Variants in CSMD1 observed in about 807,000 individuals in gnomAD.
CSMD1 encodes CUB and sushi domain-containing protein 1.
Under a neutral mutation model 417.5 loss-of-function variants are expected in CSMD1, and 213 were observed. The observed-to-expected ratio is 0.51, with a 90% CI of 0.46 to 0.57. The LOEUF is 0.57. Among genes scored for constraint, CSMD1 ranks in the 20% least tolerant of loss-of-function variants. The pLI is 0.00. For synonymous variants in CSMD1, 2,862 were observed against 1,736.8 expected, an observed-to-expected ratio of 1.65 and a Z score of -16.11; for missense variants, 6,923 against 4,529.7, an observed-to-expected ratio of 1.53 and a Z score of -15.17.
At chr8:3,379,414 A>G (rs1810498956) in intron 18 of CSMD1, among the ~76,000 whole-genome samples, 1 of 152,194 alleles carries the variant, frequency 6.6e-6, no homozygotes, top group African/African-American at 2.4e-5. Context: ...TGTCATATGG[A>G]ACCAAAAAAG....
At chr8:3,099,089 G>A (rs1005359929) in intron 46 of CSMD1, among the ~76,000 whole-genome samples, 3 of 151,380 alleles carry the variant, frequency 2.0e-5, no homozygotes, top group Non-Finnish European at 2.9e-5. Context: ...TCTCCGTGCC[G>A]TTCACCCTTC....
intron 4 of CSMD1, among the ~76,000 whole-genome samples, chr8:4,010,131 T>C (rs1029466486): frequency 1.3e-5 from 2 of 152,214 alleles, no homozygotes; most frequent in African/African-American, 4.8e-5. Context: ...GAAACCTGAA[T>C]GTCTTCTCTG....
At chr8:4,807,907 A>G (rs954167973) in intron 1 of CSMD1, among the ~76,000 whole-genome samples, 1 of 152,146 alleles carries the variant, frequency 6.6e-6, no homozygotes, top group African/African-American at 2.4e-5. Flanking sequence ...AGGGAAGTAC[A>G]AGCTCTCTTT....
intron 5 of CSMD1, among the ~76,000 whole-genome samples, chr8:3,859,808 C>T (rs1413818955): frequency 3.9e-5 from 6 of 152,236 alleles, no homozygotes; most frequent in South Asian, 2.1e-4. Context: ...ATCCTGATTC[C>T]GCAGGGAACA....
At chr8:3,638,770 G>C (rs377693207) in intron 7 of CSMD1, among the ~76,000 whole-genome samples, 5 of 152,304 alleles carry the variant, frequency 3.3e-5, no homozygotes, top group Middle Eastern at 3.4e-3. Context: ...AACATACCAA[G>C]AGAGAAACCA....
At chr8:4,165,785 G>T (rs954021159) in intron 3 of CSMD1, among the ~76,000 whole-genome samples, 1 of 152,198 alleles carries the variant, frequency 6.6e-6, no homozygotes, top group Admixed American at 6.5e-5. Flanking sequence ...TAGCTCACGT[G>T]TTGTCACTCC....
chr8:3,531,841 G>T (rs1403723718), intron 10 of CSMD1, among the ~76,000 whole-genome samples: 1 of 152,094 alleles, frequency 6.6e-6, no homozygotes, highest in African/African-American at 2.4e-5. Context: ...AGAGAGAAAC[G>T]GCTACGTGGG....
At chr8:3,690,438 G>C (rs1172306736) in intron 7 of CSMD1, among the ~76,000 whole-genome samples, 2 of 152,194 alleles carry the variant, frequency 1.3e-5, no homozygotes, top group South Asian at 2.1e-4. Flanking sequence ...TTCTGTATGT[G>C]GGTAAACTGT....
chr8:4,033,583 T>C (rs1797468202), intron 3 of CSMD1, among the ~76,000 whole-genome samples: 1 of 152,212 alleles, frequency 6.6e-6, no homozygotes, highest in East Asian at 1.9e-4. Context: ...CTCCCTACAA[T>C]GTGTAAAACT....
At chr8:4,092,859 A>G (rs748248429) in intron 3 of CSMD1, among the ~76,000 whole-genome samples, 3 of 152,338 alleles carry the variant, frequency 2.0e-5, no homozygotes, top group East Asian at 1.9e-4. Context: ...AATAATCATT[A>G]TAAGTAGAAT....
intron 6 of CSMD1, among the ~76,000 whole-genome samples, chr8:3,743,947 TGACCCA>T (rs1373183881): frequency 1.3e-5 from 2 of 152,198 alleles, no homozygotes; most frequent in Non-Finnish European, 2.9e-5. Flanking sequence ...GGAGAATCAC[TGACCCA>T]GACAGAGGCA....
rs550820014 is a variant in CSMD1 at position 4,464,769 on chromosome 8, G to C, written c.303-44704C>G. ...GTTGCTTTAAGGCGAGTCCTGCTGA[G>C]TGGGGTGGGGCTGGGCTGAGAGATC... On this transcript the variant is annotated intron_variant, in intron 2 of 69. Coordinates refer to ENST00000635120, the MANE Select transcript of CSMD1 (RefSeq NM_033225.6). 2.0e-5 allele frequency among the ~76,000 whole-genome samples: 3 copies of C among 152,310 alleles called. No individual in the cohort carries two copies. In the East Asian group the frequency reaches 5.8e-4, roughly 29 times the overall value.
At chr8:4,136,591 A>C (rs1362373781) in intron 3 of CSMD1, among the ~76,000 whole-genome samples, 1 of 152,220 alleles carries the variant, frequency 6.6e-6, no homozygotes, top group Non-Finnish European at 1.5e-5. Flanking sequence ...GAAGATGCCA[A>C]TTCCAGCCAG....
At chr8:4,115,774 G>A (rs1802101686) in intron 3 of CSMD1, among the ~76,000 whole-genome samples, 1 of 151,812 alleles carries the variant, frequency 6.6e-6, no homozygotes, top group Non-Finnish European at 1.5e-5. Flanking sequence ...AAGCTATCAA[G>A]CCATGAAAAG....
intron 1 of CSMD1, among the ~76,000 whole-genome samples, chr8:4,686,947 G>C (rs1476546731): frequency 6.6e-6 from 1 of 152,188 alleles, no homozygotes; most frequent in Non-Finnish European, 1.5e-5. Context: ...AAGTGGAGGA[G>C]ACACGTCTCC....
intron 1 of CSMD1, among the ~76,000 whole-genome samples, chr8:4,699,507 A>C (rs1488707903): frequency 2.0e-5 from 3 of 152,322 alleles, no homozygotes; most frequent in Non-Finnish European, 4.4e-5. Flanking sequence ...AAAGCTGTAC[A>C]TCGAACACTC....
intron 3 of CSMD1, among the ~76,000 whole-genome samples, chr8:4,390,656 G>A (rs1291613544): frequency 6.6e-6 from 1 of 151,976 alleles, no homozygotes; most frequent in East Asian, 1.9e-4. Flanking sequence ...TGGGACGACA[G>A]GCACCCCCCA....
intron 41 of CSMD1, among the ~76,000 whole-genome samples, chr8:3,121,471 C>G (rs1392860785): frequency 6.6e-6 from 1 of 152,170 alleles, no homozygotes; most frequent in Non-Finnish European, 1.5e-5. Flanking sequence ...GGGAAGAACA[C>G]TATGTGAGAC....
intron 5 of CSMD1, among the ~76,000 whole-genome samples, chr8:3,953,192 A>C (rs990631368): frequency 9.9e-5 from 15 of 152,164 alleles, no homozygotes; most frequent in African/African-American, 3.6e-4. Flanking sequence ...CTTTGTGTAG[A>C]AGCACTATAA....
Sources: gnomAD v4.1 joint callset for allele counts (sites outside exome capture counted in the v4.1 genomes callset) on GRCh38, gnomAD v4.1.1 for gene constraint, MANE v1.5 for transcripts, NCBI Gene and HGNC (gene_info 2026-07-23, HGNC 2026-07-21) for gene names.